The following SPNS3 variants were observed in gnomAD, a reference collection of about 807,000 sequenced individuals.
The protein encoded by SPNS3 is protein spinster homolog 3.
SPNS3 carries 51 observed loss-of-function variants against 54.4 expected under a neutral mutation model. That is an observed-to-expected ratio of 0.94 (90% CI 0.75 to 1.18). SPNS3 has a LOEUF of 1.18. SPNS3 is among the 50% of genes most tolerant of loss of function. The pLI is 0.00. For missense variants in SPNS3, 669 were observed against 677.4 expected, an observed-to-expected ratio of 0.99 and a Z score of 0.14; for synonymous variants, 309 against 294.7, an observed-to-expected ratio of 1.05 and a Z score of -0.50.
intron 8 of SPNS3, among the ~76,000 whole-genome samples, chr17:4,473,537 G>A (rs8078354): frequency 0.57 from 85,952 of 151,198 alleles, 24,847 homozygotes; most frequent in South Asian, 0.65. Context: ...ACAGGCACCC[G>A]CCGCCACACC....
At chr17:4,448,110 G>A in intron 5 of SPNS3, 45 bp from the exon 6 acceptor site, 2 of 1,527,920 alleles carry the variant, frequency 1.3e-6, no homozygotes, top group Non-Finnish European at 1.7e-6. Context: ...CCCTTGGGCT[G>A]TGATAATATG....
Position 4,446,832 on chromosome 17 carries a change from G to A in SPNS3, c.555-64G>A, listed in dbSNP as rs562384801. The A allele has an allele frequency of 4.0e-6, 6 of 1,503,914 alleles. No individual in the cohort carries two copies. The African/African-American group carries it at 5.5e-5, about 14-fold the overall frequency. 93.2% of individuals were successfully genotyped at this position (1,503,914 alleles called of 1,614,324 possible). A position where few individuals can be genotyped will look rare whatever the true frequency, so the allele number is the denominator to read the frequency against. Reference sequence around the variant, plus strand: ...GGGGGGGGCACCCTGGGTCAGGCTGGTGGTGGGGTCTGCCTTCCGCCTCCC... The same window carrying A: ...GGGGGGGGCACCCTGGGTCAGGCTGATGGTGGGGTCTGCCTTCCGCCTCCC... On this transcript the variant is annotated intron_variant, in intron 4 of 11. Transcript: ENST00000355530.
At chr17:4,454,304 A>G (rs1971245746) in intron 8 of SPNS3, among the ~76,000 whole-genome samples, 1 of 152,240 alleles carries the variant, frequency 6.6e-6, no homozygotes, top group South Asian at 2.1e-4. Flanking sequence ...GGAAAGGGCT[A>G]CTGCTTCTGG....
chr17:4,487,731 C>T (rs1054539086), intron 11 of SPNS3, 75 bp from the exon 12 acceptor site: 28 of 1,336,586 alleles, frequency 2.1e-5, no homozygotes, highest in East Asian at 1.6e-4. Flanking sequence ...CCTGACAGCC[C>T]GTGCCCAGGC....
chr17:4,477,802 GC>G (rs1187256223), intron 8 of SPNS3, among the ~76,000 whole-genome samples: 1 of 152,132 alleles, frequency 6.6e-6, no homozygotes, highest in Non-Finnish European at 1.5e-5. Context: ...GAAGGGGATG[GC>G]CCGGAGGGTC....
chr17:4,463,950 C>G (rs899058290), intron 8 of SPNS3, among the ~76,000 whole-genome samples: 1 of 152,182 alleles, frequency 6.6e-6, no homozygotes, highest in Non-Finnish European at 1.5e-5. Context: ...TGGGACGTGC[C>G]TGTGTGCACA....
chr17:4,478,431 C>T, intron 8 of SPNS3, 141 bp from the exon 9 acceptor site: 1 of 712,150 alleles, frequency 1.4e-6, no homozygotes, highest in East Asian at 2.8e-5. Flanking sequence ...TAGTTCTAGG[C>T]CTTCCTCGCT....
chr17:4,486,266 A>T lies in SPNS3; in HGVS notation c.1218A>T (p.Ala406=). 6.3e-7 allele frequency: 1 copy of T among 1,581,594 alleles called. No homozygotes were observed. Among genetic ancestry groups the T allele is most frequent in the Non-Finnish European group, 8.6e-7 (1 of 1,167,132 alleles). Reference sequence around the variant, plus strand: ...CCAGATGCCGGGGGACGGCAGAGGCACTTCAGATCACGGTGGGCCACATCC... The same window carrying T: ...CCAGATGCCGGGGGACGGCAGAGGCTCTTCAGATCACGGTGGGCCACATCC... ...VVPRCRGTAE[A]LQITVGHILG... is the part of the protein sequence containing the mutation. Residue 406 remains alanine (A), a synonymous_variant, in exon 10 of 12, where the codon GCA becomes GCT. Transcript: ENST00000355530. The surrounding 1 kb of genome is among the most constrained non-coding windows in gnomAD (Gnocchi z 5.5).
Position 4,486,721 on chromosome 17 carries a change from G to A in SPNS3, c.1450+138G>A. 1 of 947,998 alleles carries A rather than the reference G, an allele frequency of 1.1e-6. No homozygotes were observed. The highest frequency in any genetic ancestry group is 1.5e-6 in the Non-Finnish European group (1 of 659,164). The allele number at this position is 947,998 out of a possible 1,614,324, so 58.7% of individuals were successfully genotyped here. On this transcript the variant is annotated intron_variant, in intron 11 of 11. Coordinates refer to ENST00000355530, the MANE Select transcript of SPNS3 (RefSeq NM_182538.5). This position sits in a 1 kb window ranked among gnomAD's most constrained non-coding sequence, Gnocchi z 5.5. ...TTAGTACACCCCTGCTATGTACCAGGGAAGGTTGCAGATGCTGGGGAGTGA... is the reference window on the plus strand; with the variant it reads ...TTAGTACACCCCTGCTATGTACCAGAGAAGGTTGCAGATGCTGGGGAGTGA...
chr17:4,460,429 A>AT (rs34851131), intron 8 of SPNS3, among the ~76,000 whole-genome samples: 4,728 of 98,888 alleles, frequency 0.048, 487 homozygotes, highest in African/African-American at 0.16. Context: ...GTATTGCTGG[A>AT]TTTTTTTTTT....
chr17:4,434,214 C>A (rs1970657400), intron 1 of SPNS3, 48 bp downstream of exon 1: 1 of 1,521,054 alleles, frequency 6.6e-7, no homozygotes, highest in Non-Finnish European at 9.0e-7. Flanking sequence ...CTGTGCCCAC[C>A]AGCCAGGGGC....
At chr17:4,471,054 A>G (rs1393875105) in intron 8 of SPNS3, among the ~76,000 whole-genome samples, 1 of 152,134 alleles carries the variant, frequency 6.6e-6, no homozygotes, top group Non-Finnish European at 1.5e-5. Flanking sequence ...CCTTCTGAGT[A>G]GCTGGGATTA....
intron 1 of SPNS3, among the ~76,000 whole-genome samples, chr17:4,435,440 C>CA (rs759364661): frequency 0.077 from 5,215 of 68,158 alleles, 193 homozygotes; most frequent in African/African-American, 0.19. Context: ...GGCTCTGTCT[C>CA]AAAAAAAAAA....
At chr17:4,452,286 A>G (rs78025872) in intron 7 of SPNS3, among the ~76,000 whole-genome samples, 8,948 of 152,204 alleles carry the variant, frequency 0.059, 330 homozygotes, top group Middle Eastern at 0.13. Flanking sequence ...TTGTAGAGAC[A>G]AAATCTTTCT....
Position 4,446,977 on chromosome 17 carries a change from C to A in SPNS3, c.621+15C>A, listed in dbSNP as rs1321634913. ...GGGCCCTCCGAGTGAGTCCAGCTTC[C>A]TTTTCTTCCCTCTGCTTTCCCTCTG... On this transcript the variant is annotated intron_variant, in intron 5 of 11. Transcript: ENST00000355530. 1 of 1,613,954 alleles carries A rather than the reference C, an allele frequency of 6.2e-7. No individual in the cohort carries two copies. Among genetic ancestry groups the A allele is most frequent in the Non-Finnish European group, 8.5e-7 (1 of 1,179,878 alleles).
chr17:4,458,625 C>CTTTCT (rs1555530845), intron 8 of SPNS3, among the ~76,000 whole-genome samples: 39 of 126,786 alleles, frequency 3.1e-4, no homozygotes, highest in East Asian at 4.5e-4. Flanking sequence ...TTCTTTCTTT[C>CTTTCT]TTTCTTTCTT....
intron 8 of SPNS3, among the ~76,000 whole-genome samples, chr17:4,457,536 C>A (rs897709302): frequency 6.6e-6 from 1 of 152,236 alleles, no homozygotes; most frequent in Non-Finnish European, 1.5e-5. Context: ...AGGGAGGGGA[C>A]CATCACTTCT....
intron 1 of SPNS3, among the ~76,000 whole-genome samples, chr17:4,437,695 AAAC>A (rs1567551540): frequency 6.6e-6 from 1 of 152,114 alleles, no homozygotes; most frequent in African/African-American, 2.4e-5. Flanking sequence ...TAAAAATAAA[AAAC>A]AAAATATTAA....
intron 8 of SPNS3, among the ~76,000 whole-genome samples, chr17:4,468,537 G>A (rs1203878079): frequency 6.6e-6 from 1 of 151,748 alleles, no homozygotes; most frequent in Non-Finnish European, 1.5e-5. Flanking sequence ...TGAGCAGCTA[G>A]AAGCATATGG....
Sources: allele counts gnomAD v4.1 joint callset (sites outside exome capture counted in the v4.1 genomes callset), GRCh38; gene constraint gnomAD v4.1.1; non-coding constraint Gnocchi (gnomAD v3.1); transcripts MANE v1.5; gene names NCBI Gene and HGNC (gene_info 2026-07-23, HGNC 2026-07-21).